The following PLCXD1 variants were observed in gnomAD, a reference collection of about 807,000 sequenced individuals.
PLCXD1 encodes phosphatidylinositol specific phospholipase C X domain containing 1.
Under a neutral mutation model 37.8 loss-of-function variants are expected in PLCXD1, and 45 were observed. The ratio of observed to expected loss-of-function variants is 1.19; its 90% CI spans 0.94 to 1.53. The LOEUF (loss-of-function observed/expected upper bound fraction) is 1.53, where lower values mean the gene tolerates loss of function less well. Among genes scored for constraint, PLCXD1 ranks in the 40% most tolerant of loss-of-function variants. The probability of loss-of-function intolerance (pLI) is 0.00; values close to 1 mark genes in which losing one functional copy is unlikely to be tolerated. For synonymous variants in PLCXD1, 246 were observed against 206.9 expected (o/e 1.19, Z -1.62); for missense variants, 539 against 454.7 (o/e 1.19, Z -1.69).
chrX:292,381 C>G (rs1000868579), intron 5 of PLCXD1, among the ~76,000 whole-genome samples: 2 of 152,000 alleles, frequency 1.3e-5, no homozygotes, highest in African/African-American at 4.8e-5. Flanking sequence ...ATGGTGTGAA[C>G]CCGGGGGGTG....
chrX:287,370 AATAC>A (rs2069480143), intron 2 of PLCXD1, among the ~76,000 whole-genome samples: 3 of 144,284 alleles, frequency 2.1e-5, no homozygotes, highest in East Asian at 3.9e-4. Context: ...TATTTATATA[AATAC>A]ATATTTATGC....
chrX:287,815 A>G (rs1283009050), intron 2 of PLCXD1, among the ~76,000 whole-genome samples: 1 of 151,642 alleles, frequency 6.6e-6, no homozygotes, highest in African/African-American at 2.4e-5. Flanking sequence ...TAGGCAGGAA[A>G]TGCAAACGTC....
At chrX:297,542 C>T (rs1348061370) in intron 6 of PLCXD1, among the ~76,000 whole-genome samples, 1 of 56,212 alleles carries the variant, frequency 1.8e-5, no homozygotes, top group Non-Finnish European at 3.3e-5. Context: ...AGGACGTGGA[C>T]ATCTTTGGGG....
At chrX:294,430 C>T (rs1399438666) in intron 6 of PLCXD1, among the ~76,000 whole-genome samples, 9 of 150,430 alleles carry the variant, frequency 6.0e-5, no homozygotes, top group African/African-American at 1.2e-4. Context: ...TGCAGTGAGC[C>T]GAGATCACGC....
At chrX:285,143 T>C (rs1602848583) in intron 2 of PLCXD1, among the ~76,000 whole-genome samples, 1 of 151,398 alleles carries the variant, frequency 6.6e-6, no homozygotes, top group African/African-American at 2.4e-5. Context: ...CATACATGCA[T>C]GCACACATGC....
Position 301,919 on chromosome X carries a change from C to T in PLCXD1, c.*2584C>T, listed in dbSNP as rs1192266260. 6.6e-6 allele frequency: 1 copy of T among 152,452 alleles called. No homozygotes were observed. The highest frequency in any genetic ancestry group is 1.5e-5 in the Non-Finnish European group (1 of 68,200). The allele number at this position is 152,452 out of a possible 1,614,324, so 9.4% of individuals were successfully genotyped here. A position where few individuals can be genotyped will look rare whatever the true frequency, so the allele number is the denominator to read the frequency against. On this transcript the variant is annotated 3_prime_UTR_variant, in exon 7 of 7. Coordinates refer to ENST00000381657, the MANE Select transcript of PLCXD1 (RefSeq NM_018390.4). ...GGGATCACAGGCGTGAGCCACCGCACCTGGCCTCAAGCCAGTATTTCCCTG... is the reference window on the plus strand; with the variant it reads ...GGGATCACAGGCGTGAGCCACCGCATCTGGCCTCAAGCCAGTATTTCCCTG...
rs73176206 is a variant in PLCXD1, at chrX:300,650, G to A, written c.*1315G>A. The A allele has an allele frequency of 0.2, 30,557 of 151,678 alleles. 3,568 individuals carry two copies. The highest frequency in any genetic ancestry group is 0.32 in the African/African-American group (13,171 of 41,252). 9.4% of individuals were successfully genotyped at this position (151,678 alleles called of 1,614,324 possible). A position where few individuals can be genotyped will look rare whatever the true frequency, so the allele number is the denominator to read the frequency against. On this transcript the variant is annotated 3_prime_UTR_variant, in exon 7 of 7. Transcript: ENST00000381657. ...TGTATACATGTATATGTGTGTATGC[G>A]TGTATATACACACGTATACATATAT...
At chrX:289,019 G>T in intron 3 of PLCXD1, 150 bp downstream of exon 3, 1 of 709,548 alleles carries the variant, frequency 1.4e-6, no homozygotes. Context: ...TGCGGAGACA[G>T]GATTAAAACA....
At chrX:282,879 T>C (rs959779767) in intron 1 of PLCXD1, among the ~76,000 whole-genome samples, 22 of 138,378 alleles carry the variant, frequency 1.6e-4, no homozygotes, top group Non-Finnish European at 3.3e-4. Flanking sequence ...GTATATATGT[T>C]ATGTATGTGT....
At position 288,815 on chromosome X, in the gene PLCXD1, C is replaced by T; in HGVS notation, c.210C>T (p.Asn70=). Residue 70 remains asparagine (N), a synonymous_variant, in exon 3 of 7, where the codon AAC becomes AAT. Transcript: ENST00000381657. ...AGTCCCGGCTGCTGCAGCTGCTGAA[C>T]AAGGCCTTGCCCTGCATCACGCGCC... is the stretch of plus-strand genomic sequence containing the variant. ...HEESRLLQLL[N]KALPCITRPV... is the part of the protein sequence containing the mutation. 3.1e-6 allele frequency: 5 copies of T among 1,613,782 alleles called. No individual in the cohort carries two copies. Among genetic ancestry groups the T allele is most frequent in the Non-Finnish European group, 3.4e-6 (4 of 1,179,720 alleles).
At chrX:298,489 A>G (rs2069881193) in intron 6 of PLCXD1, among the ~76,000 whole-genome samples, 1 of 35,114 alleles carries the variant, frequency 2.8e-5, no homozygotes, top group Admixed American at 2.3e-4. Context: ...TGGGGACATT[A>G]TTCTGTCTCC....
upstream of PLCXD1, chrX:276,490 C>G (rs1042609956): frequency 6.6e-6 from 1 of 152,300 alleles, no homozygotes; most frequent in Non-Finnish European, 1.5e-5. Context: ...ATCAGGAACC[C>G]GCGCTTCCGT....
chrX:288,774 C>G lies in PLCXD1; in HGVS notation c.169C>G (p.Pro57Ala), dbSNP rs548888221. The G allele has an allele frequency of 5.6e-6, 9 of 1,613,842 alleles. No homozygotes were observed. Among genetic ancestry groups the G allele is most frequent in the Non-Finnish European group, 7.6e-6 (9 of 1,179,738 alleles). Residue 57 changes from proline (P) to alanine (A), a missense_variant, in exon 3 of 7, where the codon CCC becomes GCC. Coordinates refer to ENST00000381657, the MANE Select transcript of PLCXD1 (RefSeq NM_018390.4). ...GACGTACTGCCTGAACAAGAAGTCC[C>G]CCATTTCGCACGAGGAGTCCCGGCT... ...TMTYCLNKKS[P>A]ISHEESRLLQ...
rs2069648082 is a variant in PLCXD1, at chrX:291,910, G to A, written c.549+256G>A. Among the ~76,000 whole-genome samples, 3 of 152,180 alleles carry A rather than the reference G, an allele frequency of 2.0e-5. No homozygotes were observed. In the South Asian group the frequency reaches 6.2e-4, roughly 32 times the overall value. On this transcript the variant is annotated intron_variant, in intron 5 of 6. Transcript: ENST00000381657. The stretch of plus-strand genomic sequence containing the variant: ...CAGCCGGGCGCGGTGGCTCACGCCT[G>A]TCATCCCAGCACTTTGGGAGGCCGA...
chrX:283,581 T>C (rs1295349399), intron 1 of PLCXD1: 1 of 104,782 alleles, frequency 9.5e-6, no homozygotes, highest in African/African-American at 4.4e-5. Context: ...CAGGCCCGGG[T>C]GGGGGCGGCC....
chrX:294,717 T>C (rs969377509), intron 6 of PLCXD1, among the ~76,000 whole-genome samples: 3 of 151,822 alleles, frequency 2.0e-5, no homozygotes, highest in African/African-American at 4.8e-5. Context: ...GGCAGGGGAA[T>C]CACTTGAACC....
rs772819544 is a variant in PLCXD1 at position 284,249 on chromosome X, A to G, written c.62A>G (p.Glu21Gly). The change falls in exon 2 of 7, where the codon GAG becomes GGG. Residue 21 changes from glutamate to glycine, a missense_variant. By Grantham distance (98) the Glu-to-Gly change is moderately conservative. Coordinates refer to ENST00000381657, the MANE Select transcript of PLCXD1 (RefSeq NM_018390.4). Reference protein sequence around the residue: ...FSRLHCRNANEDWMSALCPRL... With the variant: ...FSRLHCRNANGDWMSALCPRL... The stretch of plus-strand genomic sequence containing the variant: ...AGGCTGCACTGCAGAAATGCCAACG[A>G]GGACTGGATGTCGGCACTGTGTCCC... 1.2e-6 allele frequency: 2 copies of G among 1,613,138 alleles called. No homozygotes were observed. Among genetic ancestry groups the G allele is most frequent in the African/African-American group, 2.7e-5 (2 of 74,902 alleles).
At chrX:296,224 G>A (rs901648924) in intron 6 of PLCXD1, among the ~76,000 whole-genome samples, 1 of 151,822 alleles carries the variant, frequency 6.6e-6, no homozygotes, top group African/African-American at 2.4e-5. Flanking sequence ...GGATTCAAGT[G>A]ATTCTCCTGC....
intron 2 of PLCXD1, among the ~76,000 whole-genome samples, chrX:287,368 T>C (rs2069479963): frequency 6.9e-6 from 1 of 144,384 alleles, no homozygotes; most frequent in South Asian, 2.1e-4. Flanking sequence ...TATATTTATA[T>C]AAATACATAT....
Sources: gnomAD v4.1 joint callset for allele counts (sites outside exome capture counted in the v4.1 genomes callset) on GRCh38, gnomAD v4.1.1 for gene constraint, MANE v1.5 for transcripts, NCBI Gene and HGNC (gene_info 2026-07-23, HGNC 2026-07-21) for gene names.